The following GPR176 variants were observed in gnomAD, a reference collection of about 807,000 sequenced individuals.
The protein encoded by GPR176 is G-protein coupled receptor 176.
In GPR176, 26 loss-of-function variants were observed where a neutral mutation model predicts 35.4. That is an observed-to-expected ratio of 0.74 (90% CI 0.54 to 1.02). GPR176 has a LOEUF of 1.02. GPR176 is among the 50% of genes least tolerant of loss of function. The pLI is 0.00. For missense variants in GPR176, 597 were observed against 665.3 expected (o/e 0.90, Z 1.13); for synonymous variants, 278 against 271.3 (o/e 1.02, Z -0.24).
intron 1 of GPR176, among the ~76,000 whole-genome samples, chr15:39,828,517 G>A (rs1009341132): frequency 6.6e-6 from 1 of 152,168 alleles, no homozygotes; most frequent in Non-Finnish European, 1.5e-5. Flanking sequence ...GCCAGCTGGA[G>A]GGGCCGCCAA....
intron 1 of GPR176, among the ~76,000 whole-genome samples, chr15:39,817,343 T>C (rs1279409537): frequency 6.6e-6 from 1 of 152,216 alleles, no homozygotes; most frequent in Non-Finnish European, 1.5e-5. Flanking sequence ...TATGTATTCA[T>C]TATTTGTAAA....
intron 1 of GPR176, among the ~76,000 whole-genome samples, chr15:39,898,110 T>C (rs1398873027): frequency 6.7e-6 from 1 of 149,558 alleles, no homozygotes; most frequent in Admixed American, 6.6e-5. Flanking sequence ...ACTTATTATC[T>C]TTATTTTATT....
At chr15:39,902,979 A>T (rs537701580) in intron 1 of GPR176, among the ~76,000 whole-genome samples, 1 of 152,362 alleles carries the variant, frequency 6.6e-6, no homozygotes, top group African/African-American at 2.4e-5. Flanking sequence ...TCAATTTTTC[A>T]ACTTTACCAT....
intron 1 of GPR176, among the ~76,000 whole-genome samples, chr15:39,873,362 G>C (rs1456558388): frequency 6.6e-6 from 1 of 152,144 alleles, no homozygotes; most frequent in African/African-American, 2.4e-5. Context: ...GCAGTGGCAA[G>C]TGATAATGGG....
At chr15:39,868,558 A>G (rs550697282) in intron 1 of GPR176, among the ~76,000 whole-genome samples, 1 of 152,200 alleles carries the variant, frequency 6.6e-6, no homozygotes, top group Non-Finnish European at 1.5e-5. Flanking sequence ...CAAAGAGGTC[A>G]CTCAAAGACA....
chr15:39,885,087 G>A lies in GPR176; in HGVS notation c.172+34768C>T, dbSNP rs578138310. ...AAGAAATAGTTCTAAGTTCCCGATC[G>A]TTTGCCATCAAACTTACTCTTCACA... On this transcript the variant is annotated intron_variant, in intron 1 of 2. Transcript: ENST00000561100. Among the ~76,000 whole-genome samples, 25 of 152,172 alleles carry A rather than the reference G, an allele frequency of 1.6e-4. No individual in the cohort carries two copies. In the East Asian group the frequency reaches 4.8e-3, roughly 29 times the overall value.
At chr15:39,886,571 G>A (rs1487698404) in intron 1 of GPR176, among the ~76,000 whole-genome samples, 2 of 152,172 alleles carry the variant, frequency 1.3e-5, no homozygotes, top group Admixed American at 6.5e-5. Context: ...AAATTTTAAT[G>A]AGTTGAGAGA....
At chr15:39,808,495 C>G (rs549089748) in intron 1 of GPR176, among the ~76,000 whole-genome samples, 196 of 152,212 alleles carry the variant, frequency 1.3e-3, no homozygotes, top group Non-Finnish European at 2.2e-3. Flanking sequence ...GCTGCCTTGT[C>G]AAAAAAGCCT....
intron 1 of GPR176, among the ~76,000 whole-genome samples, chr15:39,868,882 G>A (rs777239071): frequency 3.9e-5 from 6 of 152,008 alleles, no homozygotes; most frequent in South Asian, 2.1e-4. Flanking sequence ...TGACCTGTCC[G>A]ATGAGGTAAC....
At chr15:39,803,271 CTTTT>C (rs769645892) in intron 2 of GPR176, among the ~76,000 whole-genome samples, 1 of 85,542 alleles carries the variant, frequency 1.2e-5, no homozygotes, top group Non-Finnish European at 2.3e-5. Flanking sequence ...ACAAGTACTT[CTTTT>C]TTTTTTTTTT....
intron 1 of GPR176, among the ~76,000 whole-genome samples, chr15:39,837,993 TAA>T (rs5812142): frequency 1.7e-4 from 21 of 124,460 alleles, no homozygotes; most frequent in Non-Finnish European, 1.9e-4. Flanking sequence ...CTCCATTAAT[TAA>T]AAAAAAAAAA....
intron 1 of GPR176, among the ~76,000 whole-genome samples, chr15:39,834,897 A>G (rs1901298795): frequency 6.6e-6 from 1 of 152,202 alleles, no homozygotes; most frequent in African/African-American, 2.4e-5. Context: ...AATTTATTGT[A>G]CATTTTAAAA....
At chr15:39,825,920 A>G (rs1385037836) in intron 1 of GPR176, among the ~76,000 whole-genome samples, 2 of 152,190 alleles carry the variant, frequency 1.3e-5, no homozygotes, top group African/African-American at 4.8e-5. Context: ...ATTTCTGAAA[A>G]GTAATCCAGC....
At chr15:39,829,023 G>C in intron 1 of GPR176, 1 of 713,740 alleles carries the variant, frequency 1.4e-6, no homozygotes, top group Admixed American at 2.0e-5. Flanking sequence ...CAATGAGTTA[G>C]GTACTATTCT....
At chr15:39,831,928 T>C (rs998684791) in intron 1 of GPR176, among the ~76,000 whole-genome samples, 3 of 152,032 alleles carry the variant, frequency 2.0e-5, no homozygotes, top group African/African-American at 7.2e-5. Flanking sequence ...GTGCATGGTA[T>C]ACAAGGCTCT....
intron 1 of GPR176, among the ~76,000 whole-genome samples, chr15:39,851,993 A>G (rs1447501098): frequency 1.3e-5 from 2 of 152,186 alleles, no homozygotes; most frequent in Non-Finnish European, 2.9e-5. Context: ...GGAGTATCAT[A>G]AAGACATGTA....
chr15:39,805,501 C>G (rs1047334262), intron 2 of GPR176, among the ~76,000 whole-genome samples: 1 of 151,968 alleles, frequency 6.6e-6, no homozygotes, highest in Non-Finnish European at 1.5e-5. Context: ...TCCTGCCCAC[C>G]GAGTCTAGAT....
intron 1 of GPR176, among the ~76,000 whole-genome samples, chr15:39,876,828 G>C (rs1344835697): frequency 6.6e-6 from 1 of 151,940 alleles, no homozygotes; most frequent in East Asian, 1.9e-4. Context: ...AAAAGAGAGA[G>C]AGAGAGAGGG....
chr15:39,903,220 C>T (rs2140872328), intron 1 of GPR176, among the ~76,000 whole-genome samples: 1 of 152,220 alleles, frequency 6.6e-6, no homozygotes, highest in Admixed American at 6.5e-5. Context: ...TACTGGGACA[C>T]CTCATCATAA....
Sources: gnomAD v4.1 joint callset for allele counts (sites outside exome capture counted in the v4.1 genomes callset) on GRCh38, gnomAD v4.1.1 for gene constraint, MANE v1.5 for transcripts, NCBI Gene and HGNC (gene_info 2026-07-23, HGNC 2026-07-21) for gene names.